The following EPN1 variants were observed in gnomAD, a reference collection of about 807,000 sequenced individuals.
The protein encoded by EPN1 is epsin-1.
In EPN1, 25 loss-of-function variants were observed where a neutral mutation model predicts 56.9. The ratio of observed to expected loss-of-function variants is 0.44; its 90% CI spans 0.32 to 0.61. The LOEUF (loss-of-function observed/expected upper bound fraction) is 0.61. Among genes scored for constraint, EPN1 ranks in the 20% least tolerant of loss-of-function variants. The probability of loss-of-function intolerance (pLI) is 0.05; values close to 1 mark genes in which losing one functional copy is unlikely to be tolerated. For synonymous variants in EPN1, 411 were observed against 361.8 expected (o/e 1.14, Z -1.54); for missense variants, 785 against 823.7 (o/e 0.95, Z 0.58).
At chr19:55,688,454 C>A (rs1391559553) in intron 3 of EPN1, among the ~76,000 whole-genome samples, 1 of 152,096 alleles carries the variant, frequency 6.6e-6, no homozygotes, top group Non-Finnish European at 1.5e-5. Flanking sequence ...TTGTTCCCTG[C>A]CAGAGCTACC....
rs963832896 is a variant in EPN1, at chr19:55,703,728, C to G, written c.*8372C>G. The G allele has an allele frequency of 6.6e-6, 1 of 152,258 alleles. No individual in the cohort carries two copies. Among genetic ancestry groups the G allele is most frequent in the African/African-American group, 2.4e-5 (1 of 41,466 alleles). 9.4% of individuals were successfully genotyped at this position (152,258 alleles called of 1,614,324 possible). On this transcript the variant is annotated 3_prime_UTR_variant, in exon 11 of 11. Coordinates refer to ENST00000270460, the MANE Select transcript of EPN1 (RefSeq NM_001130072.2). ...TGCTGTACAAAAGGGATGCCACTAG[C>G]CACATGCCACGTAGAACAGTTGAAA... is the stretch of plus-strand genomic sequence containing the variant.
intron 1 of EPN1, among the ~76,000 whole-genome samples, chr19:55,675,813 C>T (rs78041391): frequency 0.017 from 2,522 of 152,270 alleles, 30 homozygotes; most frequent in Non-Finnish European, 0.025. Context: ...CCCTAGGTGT[C>T]TCTAGCCCTT....
Position 55,702,479 on chromosome 19 carries a change from C to A in EPN1, c.*7123C>A, listed in dbSNP as rs1987189625. The A allele has an allele frequency of 6.6e-6, 1 of 152,148 alleles. No individual in the cohort carries two copies. The allele number at this position is 152,148 out of a possible 1,614,324, so 9.4% of individuals were successfully genotyped here. A position where few individuals can be genotyped will look rare whatever the true frequency, so the allele number is the denominator to read the frequency against. On this transcript the variant is annotated 3_prime_UTR_variant, in exon 11 of 11. Coordinates refer to ENST00000270460, the MANE Select transcript of EPN1 (RefSeq NM_001130072.2). The stretch of plus-strand genomic sequence containing the variant: ...TTAGGCCCACTGTTTTCACTGGGGC[C>A]CATCTATGTATGTGGCTTGGTGATT...
chr19:55,677,656 A>G, intron 1 of EPN1: 3 of 1,551,560 alleles, frequency 1.9e-6, no homozygotes, highest in South Asian at 1.2e-5. Flanking sequence ...TAGGTTCCTT[A>G]TCTCTCCTGA....
rs936482253 is a variant in EPN1, at chr19:55,704,452, C to T, written c.*9096C>T. On this transcript the variant is annotated 3_prime_UTR_variant, in exon 11 of 11. Coordinates refer to ENST00000270460, the MANE Select transcript of EPN1 (RefSeq NM_001130072.2). ...GTGGGGTTGCACCTTCATGTGAGGA[C>T]GCCGGGAGAAGACAGCCGTCTGGGA... 6.6e-6 allele frequency: 1 copy of T among 152,206 alleles called. No homozygotes were observed. The allele number at this position is 152,206 out of a possible 1,614,324, so 9.4% of individuals were successfully genotyped here.
chr19:55,695,551 G>T lies in EPN1; in HGVS notation c.*195G>T. The T allele has an allele frequency of 1.7e-6, 1 of 580,886 alleles. No individual in the cohort carries two copies. The highest frequency in any genetic ancestry group is 3.1e-6 in the Non-Finnish European group (1 of 327,086). 36.0% of individuals were successfully genotyped at this position (580,886 alleles called of 1,614,324 possible). ...AGAAACTGGACATGGGGCCTGGGGA[G>T]GGGAGCTGGCCAGAGGAGGACCCCT... On this transcript the variant is annotated 3_prime_UTR_variant, in exon 11 of 11. Transcript: ENST00000270460. The surrounding 1 kb of genome is among the most constrained non-coding windows in gnomAD (Gnocchi z 4.4).
Position 55,695,545 on chromosome 19 carries a change from TGGGGAGGGGA to T in EPN1, c.*191_*200del. 1.7e-6 allele frequency: 1 copy of T among 582,692 alleles called. No individual in the cohort carries two copies. The highest frequency in any genetic ancestry group is 3.0e-6 in the Non-Finnish European group (1 of 328,092). 36.1% of individuals were successfully genotyped at this position (582,692 alleles called of 1,614,324 possible). A position where few individuals can be genotyped will look rare whatever the true frequency, so the allele number is the denominator to read the frequency against. The stretch of plus-strand genomic sequence containing the variant: ...CCGGAGAGAAACTGGACATGGGGCC[TGGGGAGGGGA>T]GCTGGCCAGAGGAGGACCCCTTTCC... On this transcript the variant is annotated 3_prime_UTR_variant, in exon 11 of 11. Transcript: ENST00000270460. This position sits in a 1 kb window ranked among gnomAD's most constrained non-coding sequence, Gnocchi z 4.4.
rs752016279 is a variant in EPN1, at chr19:55,708,829, A to G, written c.*13473A>G. 2.4e-5 allele frequency: 22 copies of G among 931,380 alleles called. No individual in the cohort carries two copies. The highest frequency in any genetic ancestry group is 5.9e-5 in the Admixed American group (2 of 33,826). 57.7% of individuals were successfully genotyped at this position (931,380 alleles called of 1,614,324 possible). ...CACAGCCCTGCTGCCATGATGTGCA[A>G]TTACAGGATAGAGGTGCCAGGTGAA... is the stretch of plus-strand genomic sequence containing the variant. On this transcript the variant is annotated 3_prime_UTR_variant, in exon 11 of 11. Coordinates refer to ENST00000270460, the MANE Select transcript of EPN1 (RefSeq NM_001130072.2).
At position 55,695,383 on chromosome 19, in the gene EPN1, A is replaced by G; in HGVS notation, c.*27A>G. Reference sequence around the variant, plus strand: ...CCAGGGCGGAAGGGGGCCTGGCTCCATCCGGCTGCCCCATTCCGGCTCCCT... The same window carrying G: ...CCAGGGCGGAAGGGGGCCTGGCTCCGTCCGGCTGCCCCATTCCGGCTCCCT... On this transcript the variant is annotated 3_prime_UTR_variant, in exon 11 of 11. Coordinates refer to ENST00000270460, the MANE Select transcript of EPN1 (RefSeq NM_001130072.2). The surrounding 1 kb of genome is among the most constrained non-coding windows in gnomAD (Gnocchi z 4.4). 1 of 1,290,898 alleles carries G rather than the reference A, an allele frequency of 7.7e-7. No individual in the cohort carries two copies. Among genetic ancestry groups the G allele is most frequent in the Non-Finnish European group, 1.1e-6 (1 of 933,666 alleles). The allele number at this position is 1,290,898 out of a possible 1,614,324, so 80.0% of individuals were successfully genotyped here. A position where few individuals can be genotyped will look rare whatever the true frequency, so the allele number is the denominator to read the frequency against.
At position 55,704,920 on chromosome 19, in the gene EPN1, C is replaced by A. The variant is rs1394576286; in HGVS notation, c.*9564C>A. ...TAGAATGGTAGACATCATCCACTTC[C>A]CAAGCATCTCTGGCTGAATGCTGTT... On this transcript the variant is annotated 3_prime_UTR_variant, in exon 11 of 11. Transcript: ENST00000270460. 6.6e-6 allele frequency: 1 copy of A among 152,236 alleles called. No individual in the cohort carries two copies. The highest frequency in any genetic ancestry group is 2.4e-5 in the African/African-American group (1 of 41,444). 9.4% of individuals were successfully genotyped at this position (152,236 alleles called of 1,614,324 possible).
In EPN1 at chr19:55,694,447, G is replaced by C; in HGVS notation, c.1265-279G>C. ...TATAGACCCTGGACGGCCCCACCCTGAAGCAGTTGCTGCCCTCTGGTTGTC... is the reference window on the plus strand; with the variant it reads ...TATAGACCCTGGACGGCCCCACCCTCAAGCAGTTGCTGCCCTCTGGTTGTC... On this transcript the variant is annotated intron_variant, in intron 9 of 10. Coordinates refer to ENST00000270460, the MANE Select transcript of EPN1 (RefSeq NM_001130072.2). The surrounding 1 kb of genome is among the most constrained non-coding windows in gnomAD (Gnocchi z 4.2). 1 of 397,668 alleles carries C rather than the reference G, an allele frequency of 2.5e-6. No homozygotes were observed. The highest frequency in any genetic ancestry group is 4.4e-6 in the Non-Finnish European group (1 of 225,548). 24.6% of individuals were successfully genotyped at this position (397,668 alleles called of 1,614,324 possible).
rs770938075 is a variant in EPN1, at chr19:55,685,356, G to T, written c.229-40G>T. On this transcript the variant is annotated intron_variant, in intron 2 of 10. Transcript: ENST00000270460. ...GCAGGCAGTCTCTGGCCCGCCTTGT[G>T]CCCGGCGTGCTGACCGGGCATCCCC... 7 of 1,590,728 alleles carry T rather than the reference G, an allele frequency of 4.4e-6. No homozygotes were observed. In the East Asian group the frequency reaches 1.1e-4, roughly 26 times the overall value.
rs1491406169 is a variant in EPN1 at position 55,705,809 on chromosome 19, A to ATATATATATATATATATATATATATATG, written c.*10472_*10473insATATATATGTATATATATATATATATAT. ...TGGCTGGAATATTTGTTGTTGTGGG[A>ATATATATATATATATATATATATATATG]TATATATATATATATATATTTAGAG... On this transcript the variant is annotated 3_prime_UTR_variant, in exon 11 of 11. Transcript: ENST00000270460. 64 of 76,298 alleles carry ATATATATATATATATATATATATATATG rather than the reference A, an allele frequency of 8.4e-4. 1 individual carries two copies. The highest frequency in any genetic ancestry group is 2.3e-3 in the African/African-American group (43 of 18,712). 4.7% of individuals were successfully genotyped at this position (76,298 alleles called of 1,614,324 possible). A position where few individuals can be genotyped will look rare whatever the true frequency, so the allele number is the denominator to read the frequency against.
chr19:55,704,926 A>G lies in EPN1; in HGVS notation c.*9570A>G, dbSNP rs1357570064. ...GGTAGACATCATCCACTTCCCAAGC[A>G]TCTCTGGCTGAATGCTGTTCTCATC... On this transcript the variant is annotated 3_prime_UTR_variant, in exon 11 of 11. Transcript: ENST00000270460. 1 of 152,206 alleles carries G rather than the reference A, an allele frequency of 6.6e-6. No individual in the cohort carries two copies. Among genetic ancestry groups the G allele is most frequent in the Admixed American group, 6.6e-5 (1 of 15,258 alleles). The allele number at this position is 152,206 out of a possible 1,614,324, so 9.4% of individuals were successfully genotyped here.
chr19:55,709,499 TAAGA>T lies in EPN1; in HGVS notation c.*14146_*14149del, dbSNP rs2122269858. 6.6e-6 allele frequency: 1 copy of T among 152,642 alleles called. No individual in the cohort carries two copies. The highest frequency in any genetic ancestry group is 6.5e-5 in the Admixed American group (1 of 15,296). The allele number at this position is 152,642 out of a possible 1,614,324, so 9.5% of individuals were successfully genotyped here. A position where few individuals can be genotyped will look rare whatever the true frequency, so the allele number is the denominator to read the frequency against. On this transcript the variant is annotated 3_prime_UTR_variant, in exon 11 of 11. Coordinates refer to ENST00000270460, the MANE Select transcript of EPN1 (RefSeq NM_001130072.2). ...TTCCATTTACAACCTGCCCATTTTC[TAAGA>T]AATAATTAAAGCACATGCTACACCC...
rs1987039284 is a variant in EPN1, at chr19:55,699,354, G to T, written c.*3998G>T. 1.3e-5 allele frequency: 2 copies of T among 152,188 alleles called. No individual in the cohort carries two copies. Among genetic ancestry groups the T allele is most frequent in the African/African-American group, 4.8e-5 (2 of 41,424 alleles). The allele number at this position is 152,188 out of a possible 1,614,324, so 9.4% of individuals were successfully genotyped here. On this transcript the variant is annotated 3_prime_UTR_variant, in exon 11 of 11. Coordinates refer to ENST00000270460, the MANE Select transcript of EPN1 (RefSeq NM_001130072.2). ...GTGCTTCTAGCTTCCCGGGTGTGGCGTGAGCCATTGCGTCCGGCCAGAAAT... is the reference window on the plus strand; with the variant it reads ...GTGCTTCTAGCTTCCCGGGTGTGGCTTGAGCCATTGCGTCCGGCCAGAAAT...
intron 3 of EPN1, among the ~76,000 whole-genome samples, chr19:55,686,126 CA>C (rs1490279371): frequency 6.6e-6 from 1 of 152,262 alleles, no homozygotes; most frequent in African/African-American, 2.4e-5. Context: ...GGAGCCTTGA[CA>C]GTGCCTTCTG....
rs1600105094 is a variant in EPN1, at chr19:55,689,733, A to G, written c.679-134A>G. On this transcript the variant is annotated intron_variant, in intron 5 of 10. Transcript: ENST00000270460. This position sits in a 1 kb window ranked among gnomAD's most constrained non-coding sequence, Gnocchi z 5.7. ...CAGGTGCCCCATCCCCATTTCATAC[A>G]TTGTCCGCATCCCATCGAATCCTTC... The G allele has an allele frequency of 1.1e-5, 9 of 821,914 alleles. No individual in the cohort carries two copies. In the East Asian group the frequency reaches 2.1e-4, roughly 19 times the overall value. The allele number at this position is 821,914 out of a possible 1,614,324, so 50.9% of individuals were successfully genotyped here. A position where few individuals can be genotyped will look rare whatever the true frequency, so the allele number is the denominator to read the frequency against.
chr19:55,680,315 G>T (rs1985726156), intron 2 of EPN1, among the ~76,000 whole-genome samples: 1 of 152,156 alleles, frequency 6.6e-6, no homozygotes, highest in Non-Finnish European at 1.5e-5. Flanking sequence ...CTCCCCTATG[G>T]TTTTTGCAGC....
Sources: allele counts gnomAD v4.1 joint callset (sites outside exome capture counted in the v4.1 genomes callset), GRCh38; gene constraint gnomAD v4.1.1; non-coding constraint Gnocchi (gnomAD v3.1); transcripts MANE v1.5; gene names NCBI Gene and HGNC (gene_info 2026-07-23, HGNC 2026-07-21).